CAPS2: variants seen among roughly 807,000 people sequenced by gnomAD.
The protein encoded by CAPS2 is calcyphosin-2.
CAPS2 carries 98 observed loss-of-function variants against 86.5 expected under a neutral mutation model. The observed-to-expected ratio is 1.13, with a 90% CI of 0.96 to 1.34. CAPS2 has a LOEUF of 1.34. Ranked by LOEUF, CAPS2 falls within the 40% of genes most tolerant of loss-of-function variation. The pLI is 0.00. For missense variants in CAPS2, 729 were observed against 686.8 expected (o/e 1.06, Z -0.69); for synonymous variants, 210 against 225.1 (o/e 0.93, Z 0.60).
intron 8 of CAPS2, among the ~76,000 whole-genome samples, chr12:75,302,088 A>G (rs967745302): frequency 2.0e-5 from 3 of 152,152 alleles, no homozygotes; most frequent in East Asian, 3.9e-4. Flanking sequence ...GCTGCCTCCC[A>G]AACAAAGGGG....
At chr12:75,342,771 C>G (rs2042200916) in intron 1 of CAPS2, among the ~76,000 whole-genome samples, 1 of 152,022 alleles carries the variant, frequency 6.6e-6, no homozygotes, top group Admixed American at 6.6e-5. Flanking sequence ...AATCAATATT[C>G]TTTTGCAATA....
intron 1 of CAPS2, among the ~76,000 whole-genome samples, chr12:75,343,327 T>C (rs2042239642): frequency 1.3e-5 from 2 of 152,048 alleles, no homozygotes; most frequent in African/African-American, 4.8e-5. Context: ...TTTTTGCCCT[T>C]TTTAATTATC....
At chr12:75,334,566 C>T, upstream of CAPS2, 2 of 1,420,960 alleles carry the variant, frequency 1.4e-6, no homozygotes, top group South Asian at 1.6e-5. Context: ...CTGTTCTTCC[C>T]CACAGCGACA....
chr12:75,325,353 G>A, intron 1 of CAPS2, 65 bp from the exon 3 acceptor site: 1 of 1,161,850 alleles, frequency 8.6e-7, no homozygotes, highest in East Asian at 2.6e-5. Context: ...TACTTTAAGA[G>A]ATACACAATA....
intron 15 of CAPS2, among the ~76,000 whole-genome samples, chr12:75,283,161 AT>A (rs1433537876): frequency 1.3e-5 from 2 of 152,222 alleles, no homozygotes; most frequent in Non-Finnish European, 2.9e-5. Context: ...ACTTTTTAAA[AT>A]GTAGTTGTGC....
At chr12:75,315,243 C>T (rs1037799376) in intron 6 of CAPS2, among the ~76,000 whole-genome samples, 56 of 152,172 alleles carry the variant, frequency 3.7e-4, no homozygotes, top group Non-Finnish European at 5.6e-4. Flanking sequence ...GAACAATACC[C>T]AATGAGCCTT....
At chr12:75,277,112 T>C (rs1012508904), downstream of CAPS2, 315 of 983,420 alleles carry the variant, frequency 3.2e-4, no homozygotes, top group Middle Eastern at 1.0e-3. Context: ...AGCTATTTCC[T>C]ACAAATAACC....
intron 1 of CAPS2, among the ~76,000 whole-genome samples, chr12:75,346,852 G>C (rs1384353457): frequency 6.6e-6 from 1 of 152,020 alleles, no homozygotes; most frequent in African/African-American, 2.4e-5. Context: ...TCAGAAATTT[G>C]TGTTGTTAAA....
chr12:75,291,456 T>C (rs1326628076), intron 13 of CAPS2, among the ~76,000 whole-genome samples: 5 of 123,084 alleles, frequency 4.1e-5, no homozygotes, highest in African/African-American at 1.6e-4. Flanking sequence ...TCTTAAAACG[T>C]TTAGAAATCC....
chr12:75,334,665 G>T, upstream of CAPS2: 1 of 1,561,058 alleles, frequency 6.4e-7, no homozygotes, highest in Non-Finnish European at 8.7e-7. Context: ...TGGGGAAATC[G>T]GGTTGCCCCA....
At chr12:75,318,831 G>A (rs1009211017) in intron 5 of CAPS2, among the ~76,000 whole-genome samples, 1 of 151,392 alleles carries the variant, frequency 6.6e-6, no homozygotes, top group Non-Finnish European at 1.5e-5. Context: ...AGAAATTTTT[G>A]TCTGTTTTAT....
chr12:75,282,112 A>T, intron 16 of CAPS2, 139 bp downstream of exon 16: 1 of 624,508 alleles, frequency 1.6e-6, no homozygotes, highest in Non-Finnish European at 2.9e-6. Context: ...AAAGGCAAAT[A>T]GTTCATAAGT....
intron 1 of CAPS2, among the ~76,000 whole-genome samples, chr12:75,377,680 T>G (rs1260690478): frequency 1.3e-5 from 2 of 152,124 alleles, no homozygotes; most frequent in Non-Finnish European, 2.9e-5. Context: ...CAGTGGCAGC[T>G]GACTGGATGG....
At chr12:75,374,058 C>G (rs1327743700) in intron 1 of CAPS2, 1 of 152,244 alleles carries the variant, frequency 6.6e-6, no homozygotes, top group East Asian at 1.9e-4. Flanking sequence ...AAGTAGTTAT[C>G]TGCGGAAGAT....
Position 75,298,671 on chromosome 12 carries a change from C to A in CAPS2, c.1044+16G>T. ...CCATCTGGTATTAAATGTGTGCACA[C>A]ACACACACCACTTACAACATAAAAA... On this transcript the variant is annotated intron_variant, in intron 11 of 16. Coordinates refer to ENST00000393284, the Ensembl canonical transcript of CAPS2. The A allele has an allele frequency of 6.3e-7, 1 of 1,592,492 alleles. No individual in the cohort carries two copies. Among genetic ancestry groups the A allele is most frequent in the Non-Finnish European group, 8.6e-7 (1 of 1,160,388 alleles).
At chr12:75,334,544 G>A (rs1038003487), upstream of CAPS2, 78 of 1,400,412 alleles carry the variant, frequency 5.6e-5, no homozygotes, top group Non-Finnish European at 7.1e-5. Context: ...TGTGGAAGGG[G>A]AACCCTGCTG....
chr12:75,276,414 A>G (rs758468771), downstream of CAPS2: 6 of 981,228 alleles, frequency 6.1e-6, no homozygotes, highest in Non-Finnish European at 7.3e-6. Flanking sequence ...AGTCAAAAGT[A>G]ATATGTAAAA....
rs114943565 is a variant in CAPS2 at position 75,378,888 on chromosome 12, C to T, written c.-395+11950G>A. ...ATATAGAGTCTTATATTTTTAGTAA[C>T]GTAAGCTTTCACTATTTGTTTAACT... On this transcript the variant is annotated intron_variant, in intron 1 of 5. Coordinates refer to the CAPS2 transcript ENST00000551829. Among the ~76,000 whole-genome samples, 532 of 152,238 alleles carry T rather than the reference C, an allele frequency of 3.5e-3. 2 individuals are homozygous for T. Among genetic ancestry groups the T allele is most frequent in the Non-Finnish European group, 5.2e-3 (357 of 68,006 alleles).
At chr12:75,379,353 T>A (rs1030106920) in intron 1 of CAPS2, among the ~76,000 whole-genome samples, 1 of 152,212 alleles carries the variant, frequency 6.6e-6, no homozygotes, top group African/African-American at 2.4e-5. Context: ...GCAGAGCATC[T>A]CCATCTTATT....
Sources: allele counts gnomAD v4.1 joint callset (sites outside exome capture counted in the v4.1 genomes callset), GRCh38; gene constraint gnomAD v4.1.1; transcripts MANE v1.5; gene names NCBI Gene and HGNC (gene_info 2026-07-23, HGNC 2026-07-21).